ENO1: variants seen among roughly 807,000 people sequenced by gnomAD.
The protein encoded by ENO1 is alpha-enolase.
ENO1 carries 33 observed loss-of-function variants against 46.3 expected under a neutral mutation model. The observed-to-expected ratio is 0.71, with a 90% confidence interval of 0.54 to 0.95. ENO1 has a LOEUF of 0.95. Among genes scored for constraint, ENO1 ranks in the 40% least tolerant of loss-of-function variants. The probability of loss-of-function intolerance (pLI) is 0.00; values close to 1 mark genes in which losing one functional copy is unlikely to be tolerated. For synonymous variants in ENO1, 220 were observed against 216.0 expected (o/e 1.02, Z -0.16); for missense variants, 488 against 553.3 (o/e 0.88, Z 1.18).
intron 4 of ENO1, among the ~76,000 whole-genome samples, chr1:8,868,482 C>A (rs781649105): frequency 1.3e-5 from 2 of 152,162 alleles, no homozygotes; most frequent in Non-Finnish European, 2.9e-5. Flanking sequence ...GCAGGCTCTG[C>A]TGCTCACTCT....
intron 6 of ENO1, 131 bp downstream of exon 6, chr1:8,866,986 C>T: frequency 7.2e-7 from 1 of 1,388,840 alleles, no homozygotes; most frequent in Non-Finnish European, 9.6e-7. Flanking sequence ...CAAGGTCACA[C>T]TTAACAAGGG....
chr1:8,871,862 G>A, intron 3 of ENO1, 29 bp downstream of exon 3: 1 of 1,605,004 alleles, frequency 6.2e-7, no homozygotes, highest in Non-Finnish European at 8.5e-7. Context: ...GAAGCAGGGA[G>A]GCCATGGGCT....
intron 1 of ENO1, among the ~76,000 whole-genome samples, chr1:8,877,015 A>T (rs1198189456): frequency 6.8e-6 from 1 of 147,306 alleles, no homozygotes; most frequent in Non-Finnish European, 1.5e-5. Context: ...TTTGAGACGG[A>T]GTCGCGCTCT....
At chr1:8,863,748 T>G in intron 9 of ENO1, 143 bp downstream of exon 9, 1 of 970,760 alleles carries the variant, frequency 1.0e-6, no homozygotes, top group Non-Finnish European at 1.6e-6. Flanking sequence ...AAAAGGCTCC[T>G]GAGTTCAAAC....
At chr1:8,873,894 A>T (rs972687016) in intron 2 of ENO1, 4 of 152,184 alleles carry the variant, frequency 2.6e-5, no homozygotes, top group Non-Finnish European at 5.9e-5. Context: ...TGGAGGTAAC[A>T]CAGAGCTACA....
chr1:8,871,721 CT>C, intron 3 of ENO1, 169 bp downstream of exon 3: 2 of 1,266,928 alleles, frequency 1.6e-6, no homozygotes, highest in Non-Finnish European at 1.1e-6. Context: ...CACACACCAA[CT>C]TTCCTGTCCA....
chr1:8,866,538 C>T (rs748919548), intron 6 of ENO1, 37 bp from the exon 7 acceptor site: 4 of 1,607,752 alleles, frequency 2.5e-6, no homozygotes, highest in Non-Finnish European at 3.4e-6. Context: ...GGCACTGGGT[C>T]CAGAGAGCCC....
chr1:8,867,901 G>T, intron 5 of ENO1, 87 bp downstream of exon 5: 1 of 1,192,958 alleles, frequency 8.4e-7, no homozygotes, highest in Non-Finnish European at 1.2e-6. Flanking sequence ...TCATCACTAA[G>T]ATCATGGGCC....
intron 4 of ENO1, among the ~76,000 whole-genome samples, chr1:8,869,385 C>T (rs868332657): frequency 2.6e-4 from 40 of 151,582 alleles, no homozygotes; most frequent in African/African-American, 9.5e-4. Flanking sequence ...GCTGGTCGGG[C>T]AGGGAGTAAT....
At chr1:8,870,209 G>C in intron 4 of ENO1, 1 of 533,964 alleles carries the variant, frequency 1.9e-6, no homozygotes, top group Non-Finnish European at 3.4e-6. Context: ...TTGCAGGGGG[G>C]AAGAAACCTC....
At chr1:8,874,957 T>C (rs777742640) in intron 1 of ENO1, 40 bp from the exon 2 acceptor site, 20 of 1,529,974 alleles carry the variant, frequency 1.3e-5, no homozygotes, top group Non-Finnish European at 1.8e-5. Flanking sequence ...CCATAAGCCA[T>C]AATGCTGCAT....
intron 2 of ENO1, among the ~76,000 whole-genome samples, chr1:8,874,577 CAAA>C (rs140269736): frequency 9.7e-5 from 5 of 51,600 alleles, no homozygotes; most frequent in South Asian, 1.2e-3. Flanking sequence ...GACTCCATCT[CAAA>C]AAAAAAAAAA....
chr1:8,862,827 C>A (rs1204541609), intron 11 of ENO1, 60 bp downstream of exon 11: 6 of 1,586,718 alleles, frequency 3.8e-6, no homozygotes, highest in Admixed American at 3.5e-5. Context: ...AGTGCCTACA[C>A]TGAGTGCAGG....
intron 1 of ENO1, 144 bp downstream of exon 1, chr1:8,878,436 C>A (rs1294955637): frequency 2.0e-5 from 7 of 343,140 alleles, no homozygotes; most frequent in South Asian, 4.2e-5. Flanking sequence ...CCAGTTCCCA[C>A]CCAGGGAGGC....
intron 3 of ENO1, 89 bp from the exon 4 acceptor site, chr1:8,870,599 C>T (rs574968671): frequency 2.5e-5 from 40 of 1,578,964 alleles, no homozygotes; most frequent in Middle Eastern, 1.7e-4. Flanking sequence ...TTGAGGCCGA[C>T]GCGGAAGCCC....
In ENO1 at chr1:8,866,433, G is replaced by C. The variant is rs1569902650; in HGVS notation, c.513C>G (p.Leu171=). The C allele has an allele frequency of 1.9e-6, 3 of 1,614,230 alleles. No homozygotes were observed. Among genetic ancestry groups the C allele is most frequent in the Non-Finnish European group, 2.5e-6 (3 of 1,180,048 alleles). ...CCCTGAAGTTTGCTGCACCGACTGGGAGGATCATGAACTCCTGCATGGCCA... is the reference window on the plus strand; with the variant it reads ...CCCTGAAGTTTGCTGCACCGACTGGCAGGATCATGAACTCCTGCATGGCCA... The part of the protein sequence containing the change: ...NKLAMQEFMI[L]PVGAANFREA... Residue 171 remains leucine (L), a synonymous_variant, in exon 7 of 12, where the codon CTC becomes CTG. Coordinates refer to ENST00000234590, the MANE Select transcript of ENO1 (RefSeq NM_001428.5).
intron 5 of ENO1, 93 bp from the exon 6 acceptor site, chr1:8,867,343 TCTC>T: frequency 6.6e-7 from 1 of 1,511,714 alleles, no homozygotes. Context: ...TTCTGCACCA[TCTC>T]CTCCCCCATC....
At chr1:8,867,483 C>G (rs1225902646) in intron 5 of ENO1, among the ~76,000 whole-genome samples, 1 of 152,158 alleles carries the variant, frequency 6.6e-6, no homozygotes, top group African/African-American at 2.4e-5. Flanking sequence ...TTATAAGGAG[C>G]AAAGCTCTTC....
chr1:8,861,218 C>A lies in ENO1; in HGVS notation c.*142G>T. 3.9e-6 allele frequency: 3 copies of A among 760,656 alleles called. No individual in the cohort carries two copies. The highest frequency in any genetic ancestry group is 6.3e-6 in the Non-Finnish European group (3 of 473,704). 47.1% of individuals were successfully genotyped at this position (760,656 alleles called of 1,614,324 possible). A position where few individuals can be genotyped will look rare whatever the true frequency, so the allele number is the denominator to read the frequency against. On this transcript the variant is annotated 3_prime_UTR_variant, in exon 12 of 12. Coordinates refer to ENST00000234590, the MANE Select transcript of ENO1 (RefSeq NM_001428.5). ...GGCTTCTGTAGAAGTTCTAAGGAAG[C>A]GGTACGAACTCCACGGCGGTGGGGC...
Sources: gnomAD v4.1 joint callset for allele counts (sites outside exome capture counted in the v4.1 genomes callset) on GRCh38, gnomAD v4.1.1 for gene constraint, MANE v1.5 for transcripts, NCBI Gene and HGNC (gene_info 2026-07-23, HGNC 2026-07-21) for gene names.